MLLT3: variants seen among roughly 807,000 people sequenced by gnomAD.
MLLT3 encodes the protein MLLT3 super elongation complex subunit, also known as protein AF-9.
In MLLT3, 4 loss-of-function variants were observed where a neutral mutation model predicts 53.2. That is an observed-to-expected ratio of 0.08 (90% CI 0.04 to 0.17). The LOEUF (loss-of-function observed/expected upper bound fraction) is 0.17, where lower values mean the gene tolerates loss of function less well. MLLT3 is among the 10% of genes least tolerant of loss of function. The probability of loss-of-function intolerance (pLI) is 1.00; values close to 1 mark genes in which losing one functional copy is unlikely to be tolerated. For synonymous variants in MLLT3, 283 were observed against 230.6 expected (o/e 1.23, Z -2.06); for missense variants, 569 against 684.0 (o/e 0.83, Z 1.87).
chr9:20,512,087 T>C (rs1201227154), intron 2 of MLLT3, among the ~76,000 whole-genome samples: 1 of 152,176 alleles, frequency 6.6e-6, no homozygotes, highest in Non-Finnish European at 1.5e-5. Context: ...GCACTTAACC[T>C]AGCACTACAA....
chr9:20,345,140 C>G lies in MLLT3; in HGVS notation c.*1303G>C, dbSNP rs1820834389. The G allele has an allele frequency of 8.9e-6, 2 of 223,716 alleles. No homozygotes were observed. Among genetic ancestry groups the G allele is most frequent in the Admixed American group, 5.7e-5 (1 of 17,424 alleles). 13.9% of individuals were successfully genotyped at this position (223,716 alleles called of 1,614,324 possible). On this transcript the variant is annotated 3_prime_UTR_variant, in exon 11 of 11. Transcript: ENST00000380338. ...TTCTAGTTTCAAAACAAGGGTACAA[C>G]AAGAACAAAAAAATCCCCCCATCCC...
intron 2 of MLLT3, among the ~76,000 whole-genome samples, chr9:20,586,572 G>C (rs1455458770): frequency 1.3e-5 from 2 of 152,098 alleles, no homozygotes; most frequent in Non-Finnish European, 2.9e-5. Flanking sequence ...GCAGAAGTTA[G>C]GTATGCAGCT....
At chr9:20,503,981 G>A (rs1351818192) in intron 2 of MLLT3, among the ~76,000 whole-genome samples, 1 of 152,132 alleles carries the variant, frequency 6.6e-6, no homozygotes, top group Non-Finnish European at 1.5e-5. Context: ...TCAGAGACAT[G>A]CAAATTAATA....
intron 2 of MLLT3, among the ~76,000 whole-genome samples, chr9:20,573,395 G>T (rs776001114): frequency 4.6e-5 from 7 of 152,044 alleles, no homozygotes; most frequent in Non-Finnish European, 1.0e-4. Flanking sequence ...GCCCAGACTA[G>T]TCTCGAACTC....
intron 2 of MLLT3, among the ~76,000 whole-genome samples, chr9:20,517,019 C>T (rs989269571): frequency 6.6e-6 from 1 of 152,096 alleles, no homozygotes; most frequent in Non-Finnish European, 1.5e-5. Flanking sequence ...TATACTTACG[C>T]AGTTTTTGTA....
chr9:20,561,144 C>T (rs184089400), intron 2 of MLLT3, among the ~76,000 whole-genome samples: 3 of 152,064 alleles, frequency 2.0e-5, no homozygotes, highest in Non-Finnish European at 4.4e-5. Flanking sequence ...CACACACACG[C>T]GTGTGTGCAC....
chr9:20,608,623 T>C (rs1052182370), intron 2 of MLLT3, among the ~76,000 whole-genome samples: 1 of 151,838 alleles, frequency 6.6e-6, no homozygotes, highest in Non-Finnish European at 1.5e-5. Flanking sequence ...CATAGTAACA[T>C]TAAAGGAAAA....
chr9:20,524,521 C>T (rs1030837901), intron 2 of MLLT3, among the ~76,000 whole-genome samples: 1 of 150,262 alleles, frequency 6.7e-6, no homozygotes, highest in Admixed American at 6.6e-5. Flanking sequence ...CGAAAAATAA[C>T]TTTTTTTAAA....
chr9:20,589,373 G>A (rs1266919124), intron 2 of MLLT3, among the ~76,000 whole-genome samples: 1 of 143,100 alleles, frequency 7.0e-6, no homozygotes, highest in East Asian at 2.1e-4. Flanking sequence ...TCATAGGTGG[G>A]AATTGAACAA....
intron 2 of MLLT3, among the ~76,000 whole-genome samples, chr9:20,533,616 C>T (rs1208492621): frequency 6.6e-6 from 1 of 152,224 alleles, no homozygotes; most frequent in East Asian, 1.9e-4. Context: ...CCCATGTTCA[C>T]TGTAGCATTA....
At chr9:20,376,491 T>C (rs1029545860) in intron 5 of MLLT3, among the ~76,000 whole-genome samples, 5 of 152,258 alleles carry the variant, frequency 3.3e-5, no homozygotes, top group Admixed American at 2.0e-4. Flanking sequence ...TGGCTTGCAT[T>C]GAGGTGCCTG....
chr9:20,478,267 C>T (rs1824574810), intron 2 of MLLT3, among the ~76,000 whole-genome samples: 1 of 152,118 alleles, frequency 6.6e-6, no homozygotes, highest in Admixed American at 6.6e-5. Context: ...TCTTTGCATA[C>T]ACTAAGGCCT....
At chr9:20,364,365 A>G (rs1375408871) in intron 6 of MLLT3, among the ~76,000 whole-genome samples, 1 of 152,240 alleles carries the variant, frequency 6.6e-6, no homozygotes, top group Admixed American at 6.5e-5. Context: ...AGAAATGAAA[A>G]CACACACACA....
At chr9:20,499,819 A>G (rs1825173157) in intron 2 of MLLT3, among the ~76,000 whole-genome samples, 1 of 152,144 alleles carries the variant, frequency 6.6e-6, no homozygotes, top group Non-Finnish European at 1.5e-5. Context: ...AGTCCCAGCT[A>G]CTCAGAAGGC....
chr9:20,556,444 A>T (rs184145451), intron 2 of MLLT3, among the ~76,000 whole-genome samples: 1 of 152,146 alleles, frequency 6.6e-6, no homozygotes, highest in Non-Finnish European at 1.5e-5. Context: ...CGGCACTTTG[A>T]GAGGCCGAGG....
At chr9:20,470,671 T>C (rs550113085) in intron 2 of MLLT3, among the ~76,000 whole-genome samples, 2 of 152,140 alleles carry the variant, frequency 1.3e-5, no homozygotes, top group East Asian at 3.9e-4. Flanking sequence ...CATCTGACTC[T>C]AGTTTCTTCC....
At position 20,344,441 on chromosome 9, in the gene MLLT3, A is replaced by G. The variant is rs778219780; in HGVS notation, c.*2002T>C. 1.2e-4 allele frequency: 27 copies of G among 217,288 alleles called. No homozygotes were observed. Among genetic ancestry groups the G allele is most frequent in the Non-Finnish European group, 2.1e-4 (23 of 107,886 alleles). The allele number at this position is 217,288 out of a possible 1,614,324, so 13.5% of individuals were successfully genotyped here. A position where few individuals can be genotyped will look rare whatever the true frequency, so the allele number is the denominator to read the frequency against. On this transcript the variant is annotated 3_prime_UTR_variant, in exon 11 of 11. Coordinates refer to ENST00000380338, the MANE Select transcript of MLLT3 (RefSeq NM_004529.4). ...TAAACATTACCCTCCCCTTCCAGCT[A>G]TAAAGTTAAAAACAAAACGCAACTG...
Position 20,574,893 on chromosome 9 carries a change from G to A in MLLT3, c.193+45761C>T, listed in dbSNP as rs142090087. On this transcript the variant is annotated intron_variant, in intron 2 of 10. Transcript: ENST00000380338. ...GAAGTCAATTATCTCAAACCCTGCCGTCACTTGATCAACCACGTTATATGT... is the reference window on the plus strand; with the variant it reads ...GAAGTCAATTATCTCAAACCCTGCCATCACTTGATCAACCACGTTATATGT... Among the ~76,000 whole-genome samples the A allele has an allele frequency of 1.3e-4, 20 of 152,274 alleles. No individual in the cohort carries two copies. In the East Asian group the frequency reaches 3.3e-3, roughly 25 times the overall value.
Position 20,345,422 on chromosome 9 carries a change from ACT to A in MLLT3, c.*1019_*1020del, listed in dbSNP as rs1820840444. On this transcript the variant is annotated 3_prime_UTR_variant, in exon 11 of 11. Transcript: ENST00000380338. ...ACACTGGCAGCTGAAGAAAGCTGAA[ACT>A]CTGACTAATAAATAGATCCAAATTA... 1 of 211,356 alleles carries A rather than the reference ACT, an allele frequency of 4.7e-6. No homozygotes were observed. The highest frequency in any genetic ancestry group is 1.9e-4 in the South Asian group (1 of 5,354). 13.1% of individuals were successfully genotyped at this position (211,356 alleles called of 1,614,324 possible). A position where few individuals can be genotyped will look rare whatever the true frequency, so the allele number is the denominator to read the frequency against.
Sources: gnomAD v4.1 joint callset for allele counts (sites outside exome capture counted in the v4.1 genomes callset) on GRCh38, gnomAD v4.1.1 for gene constraint, MANE v1.5 for transcripts, NCBI Gene and HGNC (gene_info 2026-07-23, HGNC 2026-07-21) for gene names.